Variants in SND1 observed in about 807,000 individuals in gnomAD.
SND1 encodes the protein staphylococcal nuclease and tudor domain containing 1, also known as staphylococcal nuclease domain-containing protein 1.
In SND1, 38 loss-of-function variants were observed where a neutral mutation model predicts 121.7. The ratio of observed to expected loss-of-function variants is 0.31; its 90% confidence interval spans 0.24 to 0.41. The LOEUF is 0.41. Ranked by LOEUF, SND1 falls within the 10% of genes least tolerant of loss-of-function variation. SND1 has a pLI of 1.00. For synonymous variants in SND1, 401 were observed against 447.4 expected, an observed-to-expected ratio of 0.90 and a Z score of 1.31; for missense variants, 868 against 1,184.6, an observed-to-expected ratio of 0.73 and a Z score of 3.92.
intron 16 of SND1, among the ~76,000 whole-genome samples, chr7:128,010,441 T>G (rs1186888003): frequency 6.6e-6 from 1 of 152,204 alleles, no homozygotes; most frequent in Non-Finnish European, 1.5e-5. Flanking sequence ...AAAGAGGCCC[T>G]TATTGCAAAG....
Position 127,697,468 on chromosome 7 carries a change from G to A in SND1, c.350-1407G>A, listed in dbSNP as rs1057399863. On this transcript the variant is annotated intron_variant, in intron 3 of 23. Coordinates refer to ENST00000354725, the MANE Select transcript of SND1 (RefSeq NM_014390.4). Reference sequence around the variant, plus strand: ...CTCACCTTGTTTGTACCTGGGCTTCGTTCTTTCCACCCCCAGATCTCCTGG... The same window carrying A: ...CTCACCTTGTTTGTACCTGGGCTTCATTCTTTCCACCCCCAGATCTCCTGG... Among the ~76,000 whole-genome samples the A allele has an allele frequency of 5.9e-5, 9 of 152,270 alleles. No homozygotes were observed. In the East Asian group the frequency reaches 7.7e-4, roughly 13 times the overall value.
chr7:128,074,811 T>C, intron 17 of SND1, 121 bp downstream of exon 17: 1 of 1,013,940 alleles, frequency 9.9e-7, no homozygotes, highest in Admixed American at 2.4e-5. Flanking sequence ...CAGGAAGGTG[T>C]TGGTCTCAGA....
intron 15 of SND1, among the ~76,000 whole-genome samples, chr7:127,982,980 A>G (rs1802301469): frequency 6.6e-6 from 1 of 152,236 alleles, no homozygotes; most frequent in African/African-American, 2.4e-5. Flanking sequence ...GTTGATGGTT[A>G]AAAGTTCTTG....
At position 128,081,423 on chromosome 7, in the gene SND1, C is replaced by T; in HGVS notation, c.2032C>T (p.Arg678Ter). 3 of 1,614,178 alleles carry T rather than the reference C, an allele frequency of 1.9e-6. No homozygotes were observed. The highest frequency in any genetic ancestry group is 1.1e-5 in the South Asian group (1 of 91,082). ...GATGCCAGTGCTGGAGGAGAAGGAG[C>T]GATCTGCTAGCTACAAGCCCGTGTT... is the stretch of plus-strand genomic sequence containing the variant. ...EVMPVLEEKE[R>*]SASYKPVFVT... Residue 678 changes from arginine (R) to a stop codon, truncating the protein, a stop_gained, in exon 18 of 24, where the codon CGA becomes TGA. Transcript: ENST00000354725. LOFTEE classifies it high-confidence loss of function.
chr7:127,777,337 G>C (rs889966541), intron 10 of SND1, among the ~76,000 whole-genome samples: 2 of 152,202 alleles, frequency 1.3e-5, no homozygotes, highest in African/African-American at 4.8e-5. Flanking sequence ...GCAAAATATT[G>C]TCTTGGAGTT....
intron 16 of SND1, among the ~76,000 whole-genome samples, chr7:128,005,002 A>G (rs1039365533): frequency 3.3e-5 from 5 of 152,232 alleles, no homozygotes; most frequent in African/African-American, 7.2e-5. Flanking sequence ...CTGTCTGTCT[A>G]TATTTTCTGG....
chr7:127,727,398 C>T (rs1334686205), intron 10 of SND1, among the ~76,000 whole-genome samples: 3 of 152,154 alleles, frequency 2.0e-5, no homozygotes, highest in Non-Finnish European at 4.4e-5. Flanking sequence ...CCATTAAAAG[C>T]GATTTTCAAC....
chr7:128,086,564 G>C lies in SND1; in HGVS notation c.2305-374G>C, dbSNP rs547746519. 2.2e-3 allele frequency: 749 copies of C among 333,952 alleles called. 3 individuals are homozygous for C. The highest frequency in any genetic ancestry group is 3.2e-3 in the Non-Finnish European group (557 of 174,198). The allele number at this position is 333,952 out of a possible 1,614,324, so 20.7% of individuals were successfully genotyped here. On this transcript the variant is annotated intron_variant, in intron 20 of 23. Coordinates refer to ENST00000354725, the MANE Select transcript of SND1 (RefSeq NM_014390.4). Reference sequence around the variant, plus strand: ...ATACTTGTCTTGGTGTGCTCCCCTAGCCAGCAGCTGGAGAACCCCCTGGCC... The same window carrying C: ...ATACTTGTCTTGGTGTGCTCCCCTACCCAGCAGCTGGAGAACCCCCTGGCC...
At chr7:127,926,720 T>TTGTTGTTGTTGTTG (rs1554443863) in intron 14 of SND1, among the ~76,000 whole-genome samples, 32 of 142,760 alleles carry the variant, frequency 2.2e-4, no homozygotes, top group African/African-American at 3.0e-4. Flanking sequence ...ACCCGGCTAT[T>TTGTTGTTGTTGTTG]TTGTTGTTGT....
chr7:128,070,918 C>G (rs939472691), intron 16 of SND1, among the ~76,000 whole-genome samples: 3 of 152,190 alleles, frequency 2.0e-5, no homozygotes, highest in African/African-American at 7.2e-5. Flanking sequence ...ATTGAGTCAT[C>G]TGGCGGGGCA....
chr7:128,058,818 C>T (rs1390689762), intron 16 of SND1, among the ~76,000 whole-genome samples: 2 of 152,110 alleles, frequency 1.3e-5, no homozygotes, highest in Non-Finnish European at 2.9e-5. Context: ...AGGTTCCTCT[C>T]GTTCCGTCCC....
rs368008459 is a variant in SND1 at position 127,986,886 on chromosome 7, TG to T, written c.1670-4058del. Among the ~76,000 whole-genome samples the T allele has an allele frequency of 9.1e-4, 139 of 152,340 alleles. 1 individual carries two copies. Among genetic ancestry groups the T allele is most frequent in the Middle Eastern group, 3.4e-3 (1 of 294 alleles). On this transcript the variant is annotated intron_variant, in intron 15 of 23. Coordinates refer to ENST00000354725, the MANE Select transcript of SND1 (RefSeq NM_014390.4). ...GAGAAGGAAAATGCTCAGGAATTTT[TG>T]GGATTTTTTTTTAAGTGTAGTGTTT...
At chr7:127,920,173 C>G (rs977477224) in intron 14 of SND1, among the ~76,000 whole-genome samples, 7 of 152,074 alleles carry the variant, frequency 4.6e-5, no homozygotes, top group Non-Finnish European at 7.4e-5. Flanking sequence ...AGTTTTTCTC[C>G]TGAATAAAAC....
intron 1 of SND1, among the ~76,000 whole-genome samples, chr7:127,684,423 T>A (rs1178133205): frequency 1.3e-5 from 2 of 152,250 alleles, no homozygotes; most frequent in African/African-American, 4.8e-5. Context: ...GCTTGAATGA[T>A]TTCAAGTGCA....
chr7:127,882,997 T>C (rs1159555585), intron 12 of SND1, among the ~76,000 whole-genome samples: 1 of 152,150 alleles, frequency 6.6e-6, no homozygotes, highest in African/African-American at 2.4e-5. Context: ...GAATTAGTGC[T>C]AGGACTGAAA....
intron 13 of SND1, among the ~76,000 whole-genome samples, chr7:127,889,163 A>G (rs774568139): frequency 1.3e-5 from 2 of 152,066 alleles, no homozygotes; most frequent in Non-Finnish European, 2.9e-5. Flanking sequence ...ATCCAGTGAA[A>G]ATACTCACAT....
At chr7:127,978,782 G>C (rs1802188875) in intron 15 of SND1, among the ~76,000 whole-genome samples, 1 of 152,092 alleles carries the variant, frequency 6.6e-6, no homozygotes, top group Non-Finnish European at 1.5e-5. Flanking sequence ...GTACTATCAG[G>C]TTCAAGCGAT....
intron 22 of SND1, among the ~76,000 whole-genome samples, chr7:128,090,638 C>T (rs1015079790): frequency 2.0e-5 from 3 of 152,200 alleles, no homozygotes; most frequent in African/African-American, 4.8e-5. Flanking sequence ...ACACTTTCCT[C>T]CTCTTCATCT....
chr7:128,006,487 T>C (rs1584733200), intron 16 of SND1, among the ~76,000 whole-genome samples: 1 of 152,226 alleles, frequency 6.6e-6, no homozygotes, highest in African/African-American at 2.4e-5. Context: ...ATGGCAAATA[T>C]GTATTAGTTC....
Sources: gnomAD v4.1 joint callset for allele counts (sites outside exome capture counted in the v4.1 genomes callset) on GRCh38, gnomAD v4.1.1 for gene constraint, MANE v1.5 for transcripts, NCBI Gene and HGNC (gene_info 2026-07-23, HGNC 2026-07-21) for gene names.